CD9: variants seen among roughly 807,000 people sequenced by gnomAD.
CD9 encodes the protein CD9 molecule.
Under a neutral mutation model 31.4 loss-of-function variants are expected in CD9, and 10 were observed. The ratio of observed to expected loss-of-function variants is 0.32; its 90% CI spans 0.20 to 0.54. The LOEUF (loss-of-function observed/expected upper bound fraction) is 0.54, where lower values mean the gene tolerates loss of function less well. Ranked by LOEUF, CD9 falls within the 20% of genes least tolerant of loss-of-function variation. The probability of loss-of-function intolerance (pLI) is 0.94; values close to 1 mark genes in which losing one functional copy is unlikely to be tolerated. For synonymous variants in CD9, 113 were observed against 114.1 expected, an observed-to-expected ratio of 0.99 and a Z score of 0.06; for missense variants, 259 against 300.1, an observed-to-expected ratio of 0.86 and a Z score of 1.01.
chr12:6,225,312 G>T, intron 1 of CD9, 114 bp from the exon 2 acceptor site: 1 of 703,014 alleles, frequency 1.4e-6, no homozygotes. Context: ...CGTATATGAG[G>T]GGCAGAGACC....
At chr12:6,225,313 G>A in intron 1 of CD9, 113 bp from the exon 2 acceptor site, 1 of 705,990 alleles carries the variant, frequency 1.4e-6, no homozygotes, top group African/African-American at 1.8e-5. Flanking sequence ...GTATATGAGG[G>A]GCAGAGACCA....
chr12:6,236,168 C>A (rs1295687877), intron 6 of CD9, 24 bp from the exon 7 acceptor site: 2 of 1,613,764 alleles, frequency 1.2e-6, no homozygotes, highest in Non-Finnish European at 1.7e-6. Flanking sequence ...GTGTGTGACC[C>A]AGGTCTTGGT....
rs1804028108 is a variant in CD9, at chr12:6,238,248, A to C, written c.*420A>C. 1 of 155,356 alleles carries C rather than the reference A, an allele frequency of 6.4e-6. No individual in the cohort carries two copies. The highest frequency in any genetic ancestry group is 1.9e-4 in the South Asian group (1 of 5,156). 9.6% of individuals were successfully genotyped at this position (155,356 alleles called of 1,614,324 possible). On this transcript the variant is annotated 3_prime_UTR_variant, in exon 8 of 8. Coordinates refer to ENST00000009180, the MANE Select transcript of CD9 (RefSeq NM_001769.4). ...AAGACAATTTGATACATAATAAAAA[A>C]TTATGACAATGTCCTGGACTGGTTT...
In CD9 at chr12:6,232,576, C is replaced by T; in HGVS notation, c.176-56C>T. ...AGGGAAACAGGAATTGCCGGAGATG[C>T]CTGGGCCTCTGAACTGATGTCTCCA... On this transcript the variant is annotated intron_variant, in intron 2 of 7. Coordinates refer to ENST00000009180, the MANE Select transcript of CD9 (RefSeq NM_001769.4). The surrounding 1 kb of genome is among the most constrained non-coding windows in gnomAD (Gnocchi z 4.8). 9.2e-7 allele frequency: 1 copy of T among 1,082,900 alleles called. No individual in the cohort carries two copies. Among genetic ancestry groups the T allele is most frequent in the Non-Finnish European group, 1.4e-6 (1 of 727,340 alleles). 67.1% of individuals were successfully genotyped at this position (1,082,900 alleles called of 1,614,324 possible).
chr12:6,225,278 G>C (rs1591973960), intron 1 of CD9, 148 bp from the exon 2 acceptor site: 2 of 624,372 alleles, frequency 3.2e-6, no homozygotes, highest in South Asian at 3.9e-5. Context: ...AACACACCCC[G>C]TAATGGCATC....
Position 6,235,579 on chromosome 12 carries a change from A to G in CD9, c.537+14A>G, listed in dbSNP as rs1419995635. ...TTCACCGTGAAGGTAAACTCAGACCAGGATCCTGGTGTCCCTGCCCCCATT... is the reference window on the plus strand; with the variant it reads ...TTCACCGTGAAGGTAAACTCAGACCGGGATCCTGGTGTCCCTGCCCCCATT... On this transcript the variant is annotated intron_variant, in intron 6 of 7. Transcript: ENST00000009180. The G allele has an allele frequency of 1.9e-6, 3 of 1,602,586 alleles. No homozygotes were observed. The East Asian group carries it at 6.7e-5, about 36-fold the overall frequency.
At chr12:6,212,561 C>T (rs1170307426) in intron 1 of CD9, among the ~76,000 whole-genome samples, 1 of 152,214 alleles carries the variant, frequency 6.6e-6, no homozygotes, top group Non-Finnish European at 1.5e-5. Context: ...CCCAGGAGCC[C>T]CCCAGCTGCA....
At chr12:6,211,419 G>A (rs1195498360) in intron 1 of CD9, among the ~76,000 whole-genome samples, 1 of 152,146 alleles carries the variant, frequency 6.6e-6, no homozygotes, top group Non-Finnish European at 1.5e-5. Flanking sequence ...ATCCCATGTT[G>A]GAGCAGGAGG....
At chr12:6,211,701 A>G (rs955702320) in intron 1 of CD9, among the ~76,000 whole-genome samples, 1 of 152,334 alleles carries the variant, frequency 6.6e-6, no homozygotes, top group East Asian at 1.9e-4. Flanking sequence ...TTTAAAGCAA[A>G]ACATCCAAAA....
intron 4 of CD9, 69 bp downstream of exon 4, chr12:6,233,555 A>G (rs1946478733): frequency 8.3e-7 from 1 of 1,198,804 alleles, no homozygotes; most frequent in Non-Finnish European, 1.2e-6. Context: ...GCAGGGGGCA[A>G]GTCCTGGCTG....
intron 7 of CD9, among the ~76,000 whole-genome samples, chr12:6,237,254 C>T (rs541292618): frequency 1.3e-4 from 20 of 152,212 alleles, no homozygotes; most frequent in African/African-American, 4.6e-4. Flanking sequence ...GGATTACAGG[C>T]GTGAGCCACT....
chr12:6,235,686 C>T, intron 6 of CD9, 121 bp downstream of exon 6: 1 of 1,442,436 alleles, frequency 6.9e-7, no homozygotes, highest in South Asian at 1.5e-5. Context: ...GTGAAAGGGC[C>T]CCAGGGCACC....
At chr12:6,236,388 C>T (rs1946524834) in intron 7 of CD9, 113 bp downstream of exon 7, 5 of 898,316 alleles carry the variant, frequency 5.6e-6, no homozygotes, top group African/African-American at 1.6e-5. Flanking sequence ...ACTTTGTCCT[C>T]GTGCCCTTAG....
chr12:6,220,524 A>G (rs998019920), intron 1 of CD9, among the ~76,000 whole-genome samples: 12 of 152,150 alleles, frequency 7.9e-5, no homozygotes, highest in Non-Finnish European at 1.3e-4. Context: ...GAGGTTGAAG[A>G]AAAAAAGGGT....
chr12:6,211,975 A>C (rs1289191970), intron 1 of CD9, among the ~76,000 whole-genome samples: 1 of 152,138 alleles, frequency 6.6e-6, no homozygotes, highest in Non-Finnish European at 1.5e-5. Flanking sequence ...AATGATGCTG[A>C]CTTTGTCCTT....
chr12:6,236,511 G>A (rs924484123), intron 7 of CD9: 21 of 568,720 alleles, frequency 3.7e-5, no homozygotes, highest in East Asian at 1.4e-4. Flanking sequence ...CTAAAGAGTC[G>A]ACTCTCTTAG....
chr12:6,226,362 T>C (rs1591975015), intron 2 of CD9: 1 of 152,162 alleles, frequency 6.6e-6, no homozygotes, highest in South Asian at 2.1e-4. Flanking sequence ...GGCTTGGAGG[T>C]AGGAAACTTT....
chr12:6,223,141 A>G (rs958856478), intron 1 of CD9, among the ~76,000 whole-genome samples: 1 of 152,216 alleles, frequency 6.6e-6, no homozygotes, highest in African/African-American at 2.4e-5. Context: ...GCACCGGCCT[A>G]CAGTTTTCAG....
At position 6,200,443 on chromosome 12, in the gene CD9, G is replaced by C. The variant is rs542610412; in HGVS notation, c.-57G>C. 6 of 1,178,546 alleles carry C rather than the reference G, an allele frequency of 5.1e-6. No homozygotes were observed. The East Asian group carries it at 1.2e-4, about 23-fold the overall frequency. The allele number at this position is 1,178,546 out of a possible 1,614,324, so 73.0% of individuals were successfully genotyped here. The stretch of plus-strand genomic sequence containing the variant: ...CCAGCGCCAGGTCCCGCCAGTCCCA[G>C]CTGCGCGCGCCCCCCAGTCCCGCAC... On this transcript the variant is annotated 5_prime_UTR_variant, in exon 1 of 8. Coordinates refer to ENST00000009180, the MANE Select transcript of CD9 (RefSeq NM_001769.4).
Sources: gnomAD v4.1 joint callset for allele counts (sites outside exome capture counted in the v4.1 genomes callset) on GRCh38, gnomAD v4.1.1 for gene constraint, Gnocchi (gnomAD v3.1) non-coding constraint, MANE v1.5 for transcripts, NCBI Gene and HGNC (gene_info 2026-07-23, HGNC 2026-07-21) for gene names.